The following MACROD2 variants were observed in gnomAD, a reference collection of about 807,000 sequenced individuals.
MACROD2 encodes the protein mono-ADP ribosylhydrolase 2, also known as ADP-ribose glycohydrolase MACROD2.
A neutral mutation model predicts 70.4 loss-of-function variants in MACROD2; 36 were observed. The observed-to-expected ratio is 0.51, with a 90% CI of 0.39 to 0.68. The LOEUF (loss-of-function observed/expected upper bound fraction) is 0.68, where lower values mean the gene tolerates loss of function less well. MACROD2 is among the 30% of genes least tolerant of loss of function. The pLI, the probability that MACROD2 is intolerant of heterozygous loss-of-function variation, is 0.00. For missense variants in MACROD2, 496 were observed against 538.4 expected, an observed-to-expected ratio of 0.92 and a Z score of 0.78; for synonymous variants, 172 against 178.8, an observed-to-expected ratio of 0.96 and a Z score of 0.30.
At chr20:15,859,194 C>T (rs182491261) in intron 8 of MACROD2, among the ~76,000 whole-genome samples, 3 of 152,048 alleles carry the variant, frequency 2.0e-5, no homozygotes, top group Admixed American at 2.0e-4. Flanking sequence ...TCCTTATTGT[C>T]TTCACATTGA....
intron 6 of MACROD2, among the ~76,000 whole-genome samples, chr20:15,367,020 A>T (rs2045419432): frequency 2.7e-5 from 4 of 148,470 alleles, no homozygotes; most frequent in African/African-American, 7.6e-5. Context: ...AAATTTTTTT[A>T]AAATTACTGA....
intron 5 of MACROD2, among the ~76,000 whole-genome samples, chr20:14,748,198 G>A (rs1278654221): frequency 1.3e-5 from 2 of 151,982 alleles, no homozygotes; most frequent in African/African-American, 4.8e-5. Flanking sequence ...ATGTGCTCAC[G>A]AAAACCTTTC....
intron 3 of MACROD2, among the ~76,000 whole-genome samples, chr20:14,308,501 C>A (rs2082539093): frequency 6.6e-6 from 1 of 152,068 alleles, no homozygotes; most frequent in Non-Finnish European, 1.5e-5. Context: ...CCTTTGGATG[C>A]ATATTGCCCC....
At chr20:14,203,764 C>T (rs559047237) in intron 3 of MACROD2, among the ~76,000 whole-genome samples, 2 of 152,282 alleles carry the variant, frequency 1.3e-5, no homozygotes, top group East Asian at 3.9e-4. Context: ...CCTTAGGCAC[C>T]CATGGTGGCA....
At chr20:14,196,910 C>T (rs2081437304) in intron 3 of MACROD2, among the ~76,000 whole-genome samples, 1 of 152,180 alleles carries the variant, frequency 6.6e-6, no homozygotes, top group African/African-American at 2.4e-5. Context: ...GGAAATGTAC[C>T]AGTTTGGGCC....
chr20:15,717,934 C>G (rs1211452357), intron 8 of MACROD2, among the ~76,000 whole-genome samples: 2 of 151,902 alleles, frequency 1.3e-5, no homozygotes, highest in African/African-American at 2.4e-5. Context: ...AGGCTGACAA[C>G]TAGTAGTGGA....
chr20:16,044,288 G>A (rs2067348199), intron 16 of MACROD2, among the ~76,000 whole-genome samples: 1 of 152,024 alleles, frequency 6.6e-6, no homozygotes, highest in African/African-American at 2.4e-5. Context: ...AACCATTCAT[G>A]AAGGATACAT....
Position 15,715,696 on chromosome 20 carries a change from C to T in MACROD2, c.646-147049C>T, listed in dbSNP as rs370412592. 3.7e-4 allele frequency among the ~76,000 whole-genome samples: 57 copies of T among 152,234 alleles called. 1 individual carries two copies. In the East Asian group the frequency reaches 5.8e-3, roughly 15 times the overall value. ...TCTTTATCAGCACTTCATTTAGGGA[C>T]ACTCTGCTAATTTTACATACTGTAT... is the stretch of plus-strand genomic sequence containing the variant. On this transcript the variant is annotated intron_variant, in intron 8 of 17. Transcript: ENST00000684519.
chr20:15,344,619 T>A lies in MACROD2; in HGVS notation c.541-86786T>A, dbSNP rs527886993. 3.3e-5 allele frequency among the ~76,000 whole-genome samples: 5 copies of A among 152,290 alleles called. No homozygotes were observed. The East Asian group carries it at 9.7e-4, about 29-fold the overall frequency. ...ATCAGCCTTGAAAACCTGTTTGTGCTAACCAGACTCACAGAGGACTGATTT... is the reference window on the plus strand; with the variant it reads ...ATCAGCCTTGAAAACCTGTTTGTGCAAACCAGACTCACAGAGGACTGATTT... On this transcript the variant is annotated intron_variant, in intron 6 of 17. Coordinates refer to ENST00000684519, the MANE Select transcript of MACROD2 (RefSeq NM_001351661.2).
chr20:14,396,912 G>A (rs1166943488), intron 3 of MACROD2, among the ~76,000 whole-genome samples: 1 of 100,750 alleles, frequency 9.9e-6, no homozygotes, highest in East Asian at 2.7e-4. Flanking sequence ...ACGACAGAGC[G>A]AGACTCCATC....
At chr20:14,610,208 A>G (rs1983072607) in intron 4 of MACROD2, among the ~76,000 whole-genome samples, 1 of 152,186 alleles carries the variant, frequency 6.6e-6, no homozygotes, top group Non-Finnish European at 1.5e-5. Context: ...GCCTTTAAAT[A>G]ATAAACAACA....
At chr20:15,521,645 C>T (rs1033687786) in intron 8 of MACROD2, among the ~76,000 whole-genome samples, 1 of 152,194 alleles carries the variant, frequency 6.6e-6, no homozygotes, top group African/African-American at 2.4e-5. Context: ...CACACATTTA[C>T]TTTCTGCCAC....
intron 5 of MACROD2, among the ~76,000 whole-genome samples, chr20:14,940,276 G>A (rs1308755043): frequency 6.6e-6 from 1 of 151,968 alleles, no homozygotes; most frequent in Non-Finnish European, 1.5e-5. Context: ...GAAGGCTGCA[G>A]CGAGAGGTGA....
intron 5 of MACROD2, among the ~76,000 whole-genome samples, chr20:15,134,745 C>T (rs2076133285): frequency 6.6e-6 from 1 of 151,954 alleles, no homozygotes; most frequent in South Asian, 2.1e-4. Context: ...AATAGAGACA[C>T]AAAAAACCCT....
chr20:14,935,461 T>C (rs535689216), intron 5 of MACROD2: 1 of 152,280 alleles, frequency 6.6e-6, no homozygotes, highest in South Asian at 2.1e-4. Context: ...TTTGTTGTTG[T>C]ATTTAGTTTC....
chr20:15,476,579 C>CA (rs2047025594), intron 7 of MACROD2, among the ~76,000 whole-genome samples: 1 of 147,100 alleles, frequency 6.8e-6, no homozygotes, highest in South Asian at 2.1e-4. Context: ...TGCCCCCCCC[C>CA]GGTAAGTCTG....
At chr20:14,777,211 G>A (rs948770427) in intron 5 of MACROD2, among the ~76,000 whole-genome samples, 1 of 152,000 alleles carries the variant, frequency 6.6e-6, no homozygotes, top group Non-Finnish European at 1.5e-5. Context: ...CATATGTTTA[G>A]CATCTTTTCG....
chr20:15,327,389 T>C (rs951812164), intron 6 of MACROD2, among the ~76,000 whole-genome samples: 1 of 152,110 alleles, frequency 6.6e-6, no homozygotes, highest in African/African-American at 2.4e-5. Flanking sequence ...TAAAGACATA[T>C]CTGCCACTGG....
intron 5 of MACROD2, among the ~76,000 whole-genome samples, chr20:14,739,088 A>C (rs2071702646): frequency 6.6e-6 from 1 of 152,062 alleles, no homozygotes; most frequent in African/African-American, 2.4e-5. Context: ...ATACCATCAT[A>C]TGCTGATGGC....
Sources: allele counts gnomAD v4.1 joint callset (sites outside exome capture counted in the v4.1 genomes callset), GRCh38; gene constraint gnomAD v4.1.1; transcripts MANE v1.5; gene names NCBI Gene and HGNC (gene_info 2026-07-23, HGNC 2026-07-21).